Variants in USP48 observed in about 807,000 individuals in gnomAD.
The protein encoded by USP48 is ubiquitin specific peptidase 48, also known as ubiquitin carboxyl-terminal hydrolase 48.
USP48 carries 43 observed loss-of-function variants against 150.7 expected under a neutral mutation model. That is an observed-to-expected ratio of 0.29 (90% CI 0.22 to 0.37). USP48 has a LOEUF of 0.37. USP48 is among the 10% of genes least tolerant of loss of function. The pLI is 1.00. For synonymous variants in USP48, 396 were observed against 425.9 expected (o/e 0.93, Z 0.86); for missense variants, 813 against 1,249.6 (o/e 0.65, Z 5.27).
Position 21,783,118 on chromosome 1 carries a change from C to T in USP48, c.-161G>A, listed in dbSNP as rs759206436. ...ACCTGTGCGCGCCACTGCCGCCGCG[C>T]CCGCCCGCGCCCGACCCGCACGACC... On this transcript the variant is annotated 5_prime_UTR_variant, in exon 1 of 27. Coordinates refer to ENST00000308271, the MANE Select transcript of USP48 (RefSeq NM_032236.8). 974 of 1,095,542 alleles carry T rather than the reference C, an allele frequency of 8.9e-4. 5 individuals carry two copies. Among genetic ancestry groups the T allele is most frequent in the Non-Finnish European group, 5.9e-4 (494 of 836,382 alleles). 67.9% of individuals were successfully genotyped at this position (1,095,542 alleles called of 1,614,324 possible).
chr1:21,748,364 T>G, intron 6 of USP48, 93 bp from the exon 7 acceptor site: 1 of 1,214,088 alleles, frequency 8.2e-7, no homozygotes, highest in Non-Finnish European at 1.1e-6. Flanking sequence ...TCATTTCAGT[T>G]AATAGCTCTC....
intron 1 of USP48, among the ~76,000 whole-genome samples, chr1:21,765,282 C>T (rs959495665): frequency 1.3e-5 from 2 of 152,170 alleles, no homozygotes; most frequent in Non-Finnish European, 2.9e-5. Context: ...CAGACATCTG[C>T]TGTGATTTTA....
chr1:21,732,667 A>G, intron 9 of USP48: 1 of 369,532 alleles, frequency 2.7e-6, no homozygotes, highest in Non-Finnish European at 5.2e-6. Flanking sequence ...AACTTACTAT[A>G]TTCCATTAGA....
At chr1:21,688,320 G>A (rs760441763) in intron 24 of USP48, among the ~76,000 whole-genome samples, 3 of 151,890 alleles carry the variant, frequency 2.0e-5, no homozygotes, top group African/African-American at 7.2e-5. Context: ...CCGAGTTCAC[G>A]CCATTCTCCT....
chr1:21,711,630 T>C (rs1020973941), intron 15 of USP48, among the ~76,000 whole-genome samples: 14 of 152,170 alleles, frequency 9.2e-5, no homozygotes, highest in African/African-American at 3.1e-4. Context: ...GGAAAAACCT[T>C]AGTGGCCCAA....
Position 21,689,966 on chromosome 1 carries a change from T to C in USP48, c.3009+8A>G. ...TTGAGTTCTTCAGCTAAGGAGCTGT[T>C]TACTTACCTTCAATAAAATGACAGA... On this transcript the variant is annotated splice_region_variant and intron_variant, in intron 24 of 26. Transcript: ENST00000308271. The C allele has an allele frequency of 6.2e-7, 1 of 1,613,752 alleles. No homozygotes were observed. Among genetic ancestry groups the C allele is most frequent in the Non-Finnish European group, 8.5e-7 (1 of 1,179,834 alleles).
chr1:21,719,368 G>A (rs2097713518), intron 14 of USP48, among the ~76,000 whole-genome samples: 2 of 151,868 alleles, frequency 1.3e-5, no homozygotes, highest in African/African-American at 2.4e-5. Flanking sequence ...AGCTCAAAGA[G>A]TTTAAAACTA....
chr1:21,724,111 T>A lies in USP48; in HGVS notation c.1451-16A>T, dbSNP rs1236349450. On this transcript the variant is annotated splice_polypyrimidine_tract_variant and intron_variant, in intron 11 of 26. Coordinates refer to ENST00000308271, the MANE Select transcript of USP48 (RefSeq NM_032236.8). ...TCATAGGGCTCTGAGAAAGCAAGCA[T>A]CGGAAAGAGCCTATGTATTTTTACA... The A allele has an allele frequency of 3.1e-6, 5 of 1,613,028 alleles. No individual in the cohort carries two copies. The highest frequency in any genetic ancestry group is 1.1e-5 in the South Asian group (1 of 91,024).
intron 14 of USP48, among the ~76,000 whole-genome samples, chr1:21,716,556 T>A (rs967262638): frequency 2.0e-5 from 3 of 152,246 alleles, no homozygotes; most frequent in Non-Finnish European, 4.4e-5. Context: ...ACTGAAATCA[T>A]GAAAAGCAAA....
At position 21,748,271 on chromosome 1, in the gene USP48, C is replaced by T. The variant is rs2097800303; in HGVS notation, c.775G>A (p.Glu259Lys). Residue 259 changes from glutamate (E) to lysine (K), a missense_variant and splice_region_variant, in exon 7 of 27, where the codon GAA becomes AAA. Transcript: ENST00000308271. ...CGATTGTCTCCTTCTAATTTTTCTT[C>T]CTGATCAAGAATAAGACATATTAAT... ...LTDCISEFLK[E>K]EKLEGDNRYF... is the part of the protein sequence containing the mutation. The T allele has an allele frequency of 6.2e-7, 1 of 1,610,594 alleles. No homozygotes were observed. The highest frequency in any genetic ancestry group is 1.7e-5 in the Admixed American group (1 of 59,492).
At chr1:21,751,972 C>G (rs1433147496) in intron 5 of USP48, among the ~76,000 whole-genome samples, 6 of 145,734 alleles carry the variant, frequency 4.1e-5, no homozygotes, top group Non-Finnish European at 9.0e-5. Flanking sequence ...GAGCCAAGAT[C>G]ACGCCACTGC....
chr1:21,714,116 C>A lies in USP48; in HGVS notation c.1963+1273G>T, dbSNP rs1303198155. ...GAATGAGACATCATCCACTGGTTCACAGTGAACTGATGAAACAAGAACTAC... is the reference window on the plus strand; with the variant it reads ...GAATGAGACATCATCCACTGGTTCAAAGTGAACTGATGAAACAAGAACTAC... On this transcript the variant is annotated intron_variant, in intron 15 of 26. Transcript: ENST00000308271. Among the ~76,000 whole-genome samples the A allele has an allele frequency of 1.3e-5, 2 of 152,178 alleles. 1 individual carries two copies. Among genetic ancestry groups the A allele is most frequent in the African/African-American group, 4.8e-5 (2 of 41,436 alleles).
chr1:21,769,126 G>A (rs1052297877), intron 1 of USP48, among the ~76,000 whole-genome samples: 2 of 152,102 alleles, frequency 1.3e-5, no homozygotes, highest in African/African-American at 4.8e-5. Flanking sequence ...CTGCTACTTT[G>A]CTAAAGTCAT....
intron 8 of USP48, among the ~76,000 whole-genome samples, chr1:21,746,050 A>G (rs537222153): frequency 2.0e-4 from 30 of 152,170 alleles, no homozygotes; most frequent in South Asian, 1.5e-3. Flanking sequence ...AACTTTCCCA[A>G]TCATGTCTCT....
At chr1:21,706,270 C>T in intron 17 of USP48, 83 bp from the exon 18 acceptor site, 2 of 1,531,280 alleles carry the variant, frequency 1.3e-6, no homozygotes, top group Non-Finnish European at 1.8e-6. Flanking sequence ...TTTGGTTGTC[C>T]TTATTCAAGT....
At position 21,679,459 on chromosome 1, in the gene USP48, T is replaced by G. The variant is rs1292045293; in HGVS notation, c.3086-20A>C. 3.1e-6 allele frequency: 5 copies of G among 1,613,832 alleles called. No individual in the cohort carries two copies. Among genetic ancestry groups the G allele is most frequent in the Non-Finnish European group, 4.2e-6 (5 of 1,179,946 alleles). On this transcript the variant is annotated intron_variant, in intron 26 of 26. Coordinates refer to ENST00000308271, the MANE Select transcript of USP48 (RefSeq NM_032236.8). The stretch of plus-strand genomic sequence containing the variant: ...CAGTACCTGGGAAAAGAAACACACG[T>G]GGAGGGATAGTTGTGAACTACAGAT...
At position 21,751,529 on chromosome 1, in the gene USP48, T is replaced by C; in HGVS notation, c.752A>G (p.Asp251Gly). The C allele has an allele frequency of 9.3e-6, 15 of 1,613,722 alleles. No individual in the cohort carries two copies. Among genetic ancestry groups the C allele is most frequent in the Non-Finnish European group, 1.3e-5 (15 of 1,179,870 alleles). Residue 251 changes from aspartate to glycine, a missense_variant, in exon 6 of 27, where the codon GAT becomes GGT. By Grantham distance (94) the Asp-to-Gly change is moderately conservative. Transcript: ENST00000308271. ...LNIQGHKQLT[D>G]CISEFLKEEK... ...TACCTTCAAAAATTCCGAGATACAA[T>C]CTGTTAACTGTTTGTGGCCTTGGAT...
intron 1 of USP48, among the ~76,000 whole-genome samples, chr1:21,781,142 C>T (rs939566608): frequency 2.0e-5 from 3 of 146,830 alleles, no homozygotes; most frequent in African/African-American, 7.5e-5. Context: ...ATCGGCCTGG[C>T]GGGCGGTGGC....
At chr1:21,736,371 T>A in intron 9 of USP48, 75 bp downstream of exon 9, 2 of 1,383,386 alleles carry the variant, frequency 1.4e-6, no homozygotes, top group Non-Finnish European at 2.0e-6. Flanking sequence ...TCTTGAGCCA[T>A]AATAATTTAT....
Sources: allele counts gnomAD v4.1 joint callset (sites outside exome capture counted in the v4.1 genomes callset), GRCh38; gene constraint gnomAD v4.1.1; transcripts MANE v1.5; gene names NCBI Gene and HGNC (gene_info 2026-07-23, HGNC 2026-07-21).